AGO4: variants seen among roughly 807,000 people sequenced by gnomAD.
AGO4 encodes argonaute RISC component 4.
Under a neutral mutation model 104.7 loss-of-function variants are expected in AGO4, and 33 were observed. That is an observed-to-expected ratio of 0.32 (90% CI 0.24 to 0.42). The LOEUF is 0.42. Ranked by LOEUF, AGO4 falls within the 10% of genes least tolerant of loss-of-function variation. The probability of loss-of-function intolerance (pLI) is 1.00; values close to 1 mark genes in which losing one functional copy is unlikely to be tolerated. For synonymous variants in AGO4, 331 were observed against 364.7 expected (o/e 0.91, Z 1.05); for missense variants, 711 against 1,083.4 (o/e 0.66, Z 4.83).
intron 15 of AGO4, among the ~76,000 whole-genome samples, chr1:35,842,773 G>A (rs1231666580): frequency 1.3e-5 from 2 of 152,216 alleles, no homozygotes. Context: ...CTGCACTCCA[G>A]CCTGCACAGA....
At chr1:35,834,751 G>A (rs1209433517) in intron 12 of AGO4, among the ~76,000 whole-genome samples, 11 of 151,976 alleles carry the variant, frequency 7.2e-5, no homozygotes, top group South Asian at 2.1e-4. Context: ...GCTGGAGTGC[G>A]GTGTCATGAT....
Position 35,841,013 on chromosome 1 carries a change from T to G in AGO4, c.1725-152T>G, listed in dbSNP as rs904389581. The G allele has an allele frequency of 2.7e-6, 2 of 738,638 alleles. No homozygotes were observed. Among genetic ancestry groups the G allele is most frequent in the Non-Finnish European group, 4.4e-6 (2 of 456,884 alleles). The allele number at this position is 738,638 out of a possible 1,614,324, so 45.8% of individuals were successfully genotyped here. A position where few individuals can be genotyped will look rare whatever the true frequency, so the allele number is the denominator to read the frequency against. ...GTCACTGTACTGGGTGACATCAATA[T>G]TCAGTGGTCCGTAGTGTTCTTTCCC... On this transcript the variant is annotated intron_variant, in intron 13 of 17. Coordinates refer to ENST00000373210, the MANE Select transcript of AGO4 (RefSeq NM_017629.4). The surrounding 1 kb of genome is among the most constrained non-coding windows in gnomAD (Gnocchi z 4.7).
chr1:35,840,711 G>A (rs999049193), intron 13 of AGO4, among the ~76,000 whole-genome samples: 6 of 152,158 alleles, frequency 3.9e-5, no homozygotes, highest in African/African-American at 1.2e-4. Context: ...CAAACTCCTG[G>A]GCTTAAATGT....
At position 35,841,642 on chromosome 1, in the gene AGO4, T is replaced by G. The variant is rs1211018826; in HGVS notation, c.2067T>G (p.Ile689Met). Reference protein sequence around the residue: ...KQVAWPELIAIRKACISLEED... With the variant: ...KQVAWPELIAMRKACISLEED... ...TAGCTTGGCCAGAACTAATAGCAAT[T>G]CGAAAGGCATGTATTAGCTTGGAAG... The change falls in exon 15 of 18, where the codon ATT (isoleucine) becomes ATG (methionine). Residue 689 changes from isoleucine to methionine, a missense_variant. Physicochemically the swap from Ile to Met is conservative, Grantham distance 10. Around this residue, in one of 3 missense-constraint regions of AGO4, gnomAD observed 401 missense variants for 665.5 expected, o/e 0.60. Transcript: ENST00000373210. This position sits in a 1 kb window ranked among gnomAD's most constrained non-coding sequence, Gnocchi z 4.7. The G allele has an allele frequency of 6.2e-7, 1 of 1,613,880 alleles. No individual in the cohort carries two copies.
At chr1:35,846,604 G>GATATATATATATAT (rs72414122) in intron 15 of AGO4, among the ~76,000 whole-genome samples, 11 of 140,660 alleles carry the variant, frequency 7.8e-5, no homozygotes, top group African/African-American at 2.9e-4. Context: ...CTCAAAAAAA[G>GATATATATATATAT]ATATATATAT....
At chr1:35,853,248 CA>C (rs767922952) in intron 17 of AGO4, among the ~76,000 whole-genome samples, 861 of 64,964 alleles carry the variant, frequency 0.013, 6 homozygotes, top group African/African-American at 0.04. Context: ...GACTCTGTCT[CA>C]AAAAAAAAAA....
At chr1:35,829,641 A>G (rs1644126069) in intron 7 of AGO4, among the ~76,000 whole-genome samples, 1 of 151,988 alleles carries the variant, frequency 6.6e-6, no homozygotes, top group African/African-American at 2.4e-5. Flanking sequence ...GTTCAAGACC[A>G]GCCTGGCCAA....
chr1:35,850,841 A>T lies in AGO4; in HGVS notation c.2278-13A>T. 1 of 1,591,346 alleles carries T rather than the reference A, an allele frequency of 6.3e-7. No individual in the cohort carries two copies. The highest frequency in any genetic ancestry group is 8.5e-7 in the Non-Finnish European group (1 of 1,171,848). On this transcript the variant is annotated splice_polypyrimidine_tract_variant and intron_variant, in intron 16 of 17. Coordinates refer to ENST00000373210, the MANE Select transcript of AGO4 (RefSeq NM_017629.4). The stretch of plus-strand genomic sequence containing the variant: ...ACAAAAAAAAAACATTAATCATAAA[A>T]CTCTCTCCTCAGGGAACCAGCCGTC...
chr1:35,832,601 T>C, intron 11 of AGO4, 31 bp downstream of exon 11: 8 of 1,608,094 alleles, frequency 5.0e-6, no homozygotes, highest in Non-Finnish European at 6.8e-6. Context: ...AGCTTAGTAA[T>C]ATCCCTTCCA....
At chr1:35,815,115 T>G (rs1268995605) in intron 1 of AGO4, among the ~76,000 whole-genome samples, 1 of 152,182 alleles carries the variant, frequency 6.6e-6, no homozygotes, top group Non-Finnish European at 1.5e-5. Context: ...TGACCTCAGG[T>G]CATCTGCCTG....
chr1:35,814,643 G>C lies in AGO4; in HGVS notation c.20-2239G>C, dbSNP rs535035260. Reference sequence around the variant, plus strand: ...TGCTCTATGGGTTCCCCTATAGAGAGAGTCTTTTGAACACAGAGGACGGAT... The same window carrying C: ...TGCTCTATGGGTTCCCCTATAGAGACAGTCTTTTGAACACAGAGGACGGAT... On this transcript the variant is annotated intron_variant, in intron 1 of 17. Transcript: ENST00000373210. 3.3e-5 allele frequency among the ~76,000 whole-genome samples: 5 copies of C among 152,254 alleles called. No homozygotes were observed. In the South Asian group the frequency reaches 8.3e-4, roughly 25 times the overall value.
At position 35,855,492 on chromosome 1, in the gene AGO4, C is replaced by G. The variant is rs781435069; in HGVS notation, c.*1887C>G. 1.3e-5 allele frequency: 2 copies of G among 152,564 alleles called. No homozygotes were observed. Among genetic ancestry groups the G allele is most frequent in the South Asian group, 4.1e-4 (2 of 4,830 alleles). 9.5% of individuals were successfully genotyped at this position (152,564 alleles called of 1,614,324 possible). ...GCCACCTGTGTTTGCTGAGACTGGT[C>G]TCTGAGAGAGTTTTATGTCGATCGA... On this transcript the variant is annotated 3_prime_UTR_variant, in exon 18 of 18. Transcript: ENST00000373210.
chr1:35,849,367 A>C lies in AGO4; in HGVS notation c.2176-790A>C, dbSNP rs1487403230. 9.2e-5 allele frequency among the ~76,000 whole-genome samples: 14 copies of C among 151,534 alleles called. 1 individual carries two copies. Among genetic ancestry groups the C allele is most frequent in the Admixed American group, 8.5e-4 (13 of 15,216 alleles). On this transcript the variant is annotated intron_variant, in intron 15 of 17. Transcript: ENST00000373210. ...TCTTCCTGATAACCATTTGCCAGTGACTTTTTTTTTATTATTAATAAAGTA... is the reference window on the plus strand; with the variant it reads ...TCTTCCTGATAACCATTTGCCAGTGCCTTTTTTTTTATTATTAATAAAGTA...
intron 15 of AGO4, among the ~76,000 whole-genome samples, chr1:35,846,131 T>C (rs772104009): frequency 1.3e-5 from 2 of 152,242 alleles, no homozygotes; most frequent in Non-Finnish European, 2.9e-5. Flanking sequence ...AAGCAAAGCA[T>C]GTCTAAACCT....
chr1:35,833,849 A>T, intron 11 of AGO4, 141 bp from the exon 12 acceptor site: 2 of 732,532 alleles, frequency 2.7e-6, no homozygotes, highest in South Asian at 5.1e-5. Flanking sequence ...GCAACCAGTT[A>T]AAGATTTTTA....
chr1:35,818,156 A>G (rs1159317710), intron 2 of AGO4, among the ~76,000 whole-genome samples: 1 of 152,228 alleles, frequency 6.6e-6, no homozygotes, highest in African/African-American at 2.4e-5. Flanking sequence ...GAATGAATAT[A>G]TATGTTTATA....
At position 35,814,118 on chromosome 1, in the gene AGO4, AAAGG is replaced by A. The variant is rs984288770; in HGVS notation, c.20-2749_20-2746del. Among the ~76,000 whole-genome samples the A allele has an allele frequency of 1.1e-4, 17 of 151,280 alleles. No individual in the cohort carries two copies. In the East Asian group the frequency reaches 1.6e-3, roughly 14 times the overall value. On this transcript the variant is annotated intron_variant, in intron 1 of 17. Transcript: ENST00000373210. Reference sequence around the variant, plus strand: ...GAAAGAGAAAGAAGAGAGAGAGAAAAAAGGAAGGAAGGAAGGAAAGAAGGAAGGA... The same window carrying A: ...GAAAGAGAAAGAAGAGAGAGAGAAAAAAGGAAGGAAGGAAAGAAGGAAGGA...
chr1:35,832,691 G>T, intron 11 of AGO4, 121 bp downstream of exon 11: 1 of 1,273,390 alleles, frequency 7.9e-7, no homozygotes, highest in Non-Finnish European at 1.0e-6. Context: ...ACACCATCTG[G>T]CTATATGAAA....
intron 15 of AGO4, among the ~76,000 whole-genome samples, chr1:35,849,377 T>A (rs902006305): frequency 6.6e-6 from 1 of 151,906 alleles, no homozygotes; most frequent in Non-Finnish European, 1.5e-5. Context: ...ACTTTTTTTT[T>A]ATTATTAATA....
Sources: gnomAD v4.1 joint callset for allele counts (sites outside exome capture counted in the v4.1 genomes callset) on GRCh38, gnomAD v4.1.1 for gene constraint, gnomAD v4.1.1 regional missense constraint, Gnocchi (gnomAD v3.1) non-coding constraint, MANE v1.5 for transcripts, NCBI Gene and HGNC (gene_info 2026-07-23, HGNC 2026-07-21) for gene names.